The following LRRC4C variants were observed in gnomAD, a reference collection of about 807,000 sequenced individuals.
The protein encoded by LRRC4C is leucine rich repeat containing 4C, also known as leucine-rich repeat-containing protein 4C.
In LRRC4C, 5 loss-of-function variants were observed where a neutral mutation model predicts 33.6. That is an observed-to-expected ratio of 0.15 (90% CI 0.08 to 0.31). The LOEUF (loss-of-function observed/expected upper bound fraction) is 0.31. Among genes scored for constraint, LRRC4C ranks in the 10% least tolerant of loss-of-function variants. LRRC4C has a pLI of 1.00. For missense variants in LRRC4C, 560 were observed against 796.7 expected, an observed-to-expected ratio of 0.70 and a Z score of 3.58; for synonymous variants, 329 against 302.0, an observed-to-expected ratio of 1.09 and a Z score of -0.93.
chr11:41,197,417 G>C (rs1946226052), intron 1 of LRRC4C, among the ~76,000 whole-genome samples: 1 of 151,910 alleles, frequency 6.6e-6, no homozygotes, highest in South Asian at 2.1e-4. Context: ...ATAACTGTTG[G>C]GAAATAACAA....
intron 5 of LRRC4C, among the ~76,000 whole-genome samples, chr11:40,197,876 C>T (rs545499815): frequency 3.3e-5 from 5 of 152,160 alleles, no homozygotes; most frequent in South Asian, 4.2e-4. Flanking sequence ...CACCCATTCA[C>T]GAAGTCAGTA....
chr11:40,240,832 C>G (rs1191504408), intron 5 of LRRC4C, among the ~76,000 whole-genome samples: 2 of 151,926 alleles, frequency 1.3e-5, no homozygotes, highest in Non-Finnish European at 1.5e-5. Context: ...ATTAAGAAAG[C>G]ATTTATAGTG....
At chr11:40,562,466 C>G (rs1219774130) in intron 3 of LRRC4C, among the ~76,000 whole-genome samples, 3 of 152,202 alleles carry the variant, frequency 2.0e-5, no homozygotes, top group South Asian at 2.1e-4. Flanking sequence ...ATTTTACATA[C>G]TTTATGTTAA....
intron 3 of LRRC4C, among the ~76,000 whole-genome samples, chr11:40,633,371 T>TTCTTTCTTTCTTTTTCTTTCTC (rs745929705): frequency 6.2e-5 from 6 of 96,308 alleles, no homozygotes; most frequent in Non-Finnish European, 8.6e-5. Context: ...CTTTCTTTCT[T>TTCTTTCTTTCTTTTTCTTTCTC]TCTCTCTCTT....
At chr11:40,882,752 C>A (rs1955247377) in intron 2 of LRRC4C, among the ~76,000 whole-genome samples, 1 of 152,122 alleles carries the variant, frequency 6.6e-6, no homozygotes, top group South Asian at 2.1e-4. Context: ...TACTGACCTT[C>A]ATTTTCTTCT....
At chr11:40,148,228 T>C (rs775122653) in intron 5 of LRRC4C, among the ~76,000 whole-genome samples, 4 of 152,090 alleles carry the variant, frequency 2.6e-5, no homozygotes, top group Non-Finnish European at 5.9e-5. Context: ...CAAATGGTGT[T>C]TCTGACTTTA....
intron 2 of LRRC4C, among the ~76,000 whole-genome samples, chr11:40,806,965 A>T (rs1008282644): frequency 2.0e-5 from 3 of 152,090 alleles, no homozygotes; most frequent in African/African-American, 7.3e-5. Context: ...AGGATTAAAA[A>T]AAAACTGCTC....
chr11:41,396,065 G>C (rs190628601), intron 1 of LRRC4C, among the ~76,000 whole-genome samples: 5 of 151,978 alleles, frequency 3.3e-5, no homozygotes, highest in Admixed American at 3.3e-4. Flanking sequence ...TCGGCTCAAC[G>C]GCTATTGTTA....
chr11:40,114,724 C>T lies in LRRC4C; in HGVS notation c.1569G>A (p.Met523Ile), dbSNP rs1438147678. The change falls in exon 7 of 7, where the codon ATG becomes ATA. Residue 523 changes from methionine (M) to isoleucine (I), a missense_variant. By Grantham distance (10) the Met-to-Ile change is conservative. Coordinates refer to ENST00000528697, the MANE Select transcript of LRRC4C (RefSeq NM_001258419.2). ...NSGIPGIDEV[M>I]KTTKIIIGCF... The stretch of plus-strand genomic sequence containing the variant: ...ACCCAATGATGATTTTGGTAGTCTT[C>T]ATGACCTCATCAATTCCTGGGATCC... The T allele has an allele frequency of 6.2e-7, 1 of 1,614,048 alleles. No individual in the cohort carries two copies. The highest frequency in any genetic ancestry group is 1.3e-5 in the African/African-American group (1 of 74,918).
chr11:40,653,777 A>C (rs893354503), intron 2 of LRRC4C, among the ~76,000 whole-genome samples: 1 of 152,218 alleles, frequency 6.6e-6, no homozygotes, highest in Non-Finnish European at 1.5e-5. Flanking sequence ...AAAATGGGGA[A>C]AATATCTCCA....
At chr11:40,807,433 A>T (rs1031758305) in intron 2 of LRRC4C, among the ~76,000 whole-genome samples, 1 of 151,558 alleles carries the variant, frequency 6.6e-6, no homozygotes, top group African/African-American at 2.4e-5. Flanking sequence ...TCTTTATTTC[A>T]TCTTCACTGA....
At chr11:40,755,592 C>T (rs529053284) in intron 2 of LRRC4C, among the ~76,000 whole-genome samples, 43 of 152,134 alleles carry the variant, frequency 2.8e-4, no homozygotes, top group Non-Finnish European at 3.8e-4. Context: ...CCTGGAGATA[C>T]ATTAAGTTGT....
chr11:41,237,219 AG>A (rs1948062248), intron 1 of LRRC4C, among the ~76,000 whole-genome samples: 1 of 152,234 alleles, frequency 6.6e-6, no homozygotes, highest in Non-Finnish European at 1.5e-5. Flanking sequence ...TTATTTTGAA[AG>A]CAGGTGTTAC....
intron 1 of LRRC4C, among the ~76,000 whole-genome samples, chr11:41,246,974 C>T (rs991507054): frequency 6.6e-6 from 1 of 152,208 alleles, no homozygotes; most frequent in Non-Finnish European, 1.5e-5. Context: ...ATGCCACTTA[C>T]TGCAAATTTG....
intron 1 of LRRC4C, among the ~76,000 whole-genome samples, chr11:41,178,739 T>C (rs987457915): frequency 6.6e-6 from 1 of 152,228 alleles, no homozygotes; most frequent in African/African-American, 2.4e-5. Flanking sequence ...AGTCTCGCTC[T>C]GTCCCCCAGG....
At chr11:41,053,564 A>T (rs960625455) in intron 1 of LRRC4C, among the ~76,000 whole-genome samples, 6 of 152,198 alleles carry the variant, frequency 3.9e-5, no homozygotes, top group Admixed American at 3.9e-4. Flanking sequence ...CTGTGAGATA[A>T]TAAGTGTGGG....
At chr11:40,666,567 T>C (rs1943824348) in intron 2 of LRRC4C, among the ~76,000 whole-genome samples, 1 of 152,126 alleles carries the variant, frequency 6.6e-6, no homozygotes, top group African/African-American at 2.4e-5. Flanking sequence ...TGGTTCAAAT[T>C]TGGGGAACTG....
intron 1 of LRRC4C, among the ~76,000 whole-genome samples, chr11:41,271,646 AT>A (rs1949324942): frequency 6.6e-6 from 1 of 152,140 alleles, no homozygotes; most frequent in South Asian, 2.1e-4. Flanking sequence ...AAATAAAAAA[AT>A]ACCGTATTTA....
intron 2 of LRRC4C, among the ~76,000 whole-genome samples, chr11:40,893,172 T>C (rs918713871): frequency 6.6e-6 from 1 of 151,974 alleles, no homozygotes; most frequent in Non-Finnish European, 1.5e-5. Flanking sequence ...GAACTAAAAC[T>C]TTAAAAACTC....
Sources: allele counts gnomAD v4.1 joint callset (sites outside exome capture counted in the v4.1 genomes callset), GRCh38; gene constraint gnomAD v4.1.1; transcripts MANE v1.5; gene names NCBI Gene and HGNC (gene_info 2026-07-23, HGNC 2026-07-21).